The following LRRC20 variants were observed in gnomAD, a reference collection of about 807,000 sequenced individuals.
LRRC20 encodes leucine rich repeat containing 20.
In LRRC20, 11 loss-of-function variants were observed where a neutral mutation model predicts 14.4. The ratio of observed to expected loss-of-function variants is 0.77; its 90% CI spans 0.48 to 1.27. LRRC20 has a LOEUF of 1.27. Among genes scored for constraint, LRRC20 ranks in the 50% most tolerant of loss-of-function variants. The probability of loss-of-function intolerance (pLI) is 0.00; values close to 1 mark genes in which losing one functional copy is unlikely to be tolerated. For missense variants in LRRC20, 219 were observed against 251.2 expected, an observed-to-expected ratio of 0.87 and a Z score of 0.87; for synonymous variants, 121 against 107.3, an observed-to-expected ratio of 1.13 and a Z score of -0.79.
chr10:70,313,739 T>G (rs907176727), intron 4 of LRRC20, among the ~76,000 whole-genome samples: 2 of 152,226 alleles, frequency 1.3e-5, no homozygotes, highest in Non-Finnish European at 2.9e-5. Flanking sequence ...TTGGAAGTCA[T>G]GTAGCCAGGG....
At chr10:70,359,301 A>G (rs150726388) in intron 2 of LRRC20, among the ~76,000 whole-genome samples, 75 of 152,328 alleles carry the variant, frequency 4.9e-4, no homozygotes, top group African/African-American at 1.7e-3. Context: ...TCATGCCTGC[A>G]ATCCCAGCAC....
chr10:70,357,299 T>C (rs1205796847), intron 2 of LRRC20, among the ~76,000 whole-genome samples: 2 of 152,224 alleles, frequency 1.3e-5, no homozygotes, highest in African/African-American at 4.8e-5. Flanking sequence ...TTATACAATC[T>C]TGTGAATATA....
chr10:70,370,232 A>G (rs540104619), intron 2 of LRRC20, among the ~76,000 whole-genome samples: 1 of 152,296 alleles, frequency 6.6e-6, no homozygotes, highest in Admixed American at 6.5e-5. Context: ...GGGCTGAGAC[A>G]TTAACAGAAG....
chr10:70,372,663 C>T (rs915351530), intron 2 of LRRC20, among the ~76,000 whole-genome samples: 11 of 151,912 alleles, frequency 7.2e-5, no homozygotes, highest in South Asian at 4.2e-4. Flanking sequence ...AGGATGGTTT[C>T]GATCTCCTGA....
intron 3 of LRRC20, among the ~76,000 whole-genome samples, chr10:70,332,623 G>A (rs980745439): frequency 6.6e-6 from 1 of 152,230 alleles, no homozygotes; most frequent in Admixed American, 6.5e-5. Flanking sequence ...CAGCCTGGGT[G>A]ACAGAGGGAG....
At chr10:70,328,526 A>G (rs1428323443) in intron 3 of LRRC20, among the ~76,000 whole-genome samples, 1 of 152,148 alleles carries the variant, frequency 6.6e-6, no homozygotes, top group Non-Finnish European at 1.5e-5. Context: ...CGAACTCCTG[A>G]CCACAGGTGA....
intron 2 of LRRC20, among the ~76,000 whole-genome samples, chr10:70,364,508 C>G (rs1040316547): frequency 3.3e-5 from 5 of 152,242 alleles, no homozygotes; most frequent in African/African-American, 4.8e-5. Context: ...TTCCTGAGTA[C>G]TCTTGTTCAG....
In LRRC20 at chr10:70,371,138, G is replaced by A. The variant is rs2137153297; in HGVS notation, c.82+5314C>T. ...TTATTGGATCTGAAGAGAAACTAGA[G>A]TATATTATATCAGATTTTTTAAATA... On this transcript the variant is annotated intron_variant, in intron 2 of 4. Coordinates refer to ENST00000446961, the MANE Select transcript of LRRC20 (RefSeq NM_001278212.2). Among the ~76,000 whole-genome samples the A allele has an allele frequency of 3.3e-5, 5 of 151,368 alleles. No homozygotes were observed. The South Asian group carries it at 1.1e-3, about 33-fold the overall frequency.
chr10:70,344,196 T>A (rs1564631075), intron 2 of LRRC20, among the ~76,000 whole-genome samples: 1 of 151,466 alleles, frequency 6.6e-6, no homozygotes. Flanking sequence ...TGAGACCTTG[T>A]CTGAAAAAAA....
intron 1 of LRRC20, among the ~76,000 whole-genome samples, chr10:70,378,665 G>A (rs1427547789): frequency 4.0e-5 from 6 of 151,416 alleles, no homozygotes; most frequent in South Asian, 4.2e-4. Flanking sequence ...CGGGCGCCTC[G>A]GGAAGCTGAG....
At chr10:70,355,552 G>A (rs1022229532) in intron 2 of LRRC20, among the ~76,000 whole-genome samples, 3 of 152,172 alleles carry the variant, frequency 2.0e-5, no homozygotes, top group African/African-American at 7.2e-5. Flanking sequence ...GGGAAGGCGC[G>A]TCTTCTGAGA....
chr10:70,376,241 T>C (rs1844503654), intron 2 of LRRC20, among the ~76,000 whole-genome samples: 1 of 152,176 alleles, frequency 6.6e-6, no homozygotes, highest in Non-Finnish European at 1.5e-5. Context: ...GCAGGCGCCA[T>C]CACTCAGTGG....
At chr10:70,373,103 C>G (rs560985580) in intron 2 of LRRC20, among the ~76,000 whole-genome samples, 138 of 46,380 alleles carry the variant, frequency 3.0e-3, no homozygotes, top group African/African-American at 6.9e-3. Context: ...CAAGATGACT[C>G]CATCTCAAAA....
intron 2 of LRRC20, among the ~76,000 whole-genome samples, chr10:70,374,351 C>CTT (rs57167315): frequency 1.5e-5 from 2 of 133,184 alleles, no homozygotes; most frequent in South Asian, 2.3e-4. Flanking sequence ...CCTGTGAAGC[C>CTT]TTTTTTTTTT....
At chr10:70,371,564 C>T (rs1005577252) in intron 2 of LRRC20, among the ~76,000 whole-genome samples, 3 of 152,032 alleles carry the variant, frequency 2.0e-5, no homozygotes, top group African/African-American at 7.3e-5. Context: ...GCCCCACAAC[C>T]ACAGGCTGGA....
chr10:70,304,830 T>C, intron 4 of LRRC20, among the ~76,000 whole-genome samples: 1 of 152,182 alleles, frequency 6.6e-6, no homozygotes, highest in East Asian at 1.9e-4. Context: ...GAGCATAATG[T>C]CCTCAAGGCT....
At chr10:70,318,557 C>T (rs1328006196) in intron 4 of LRRC20, among the ~76,000 whole-genome samples, 1 of 152,050 alleles carries the variant, frequency 6.6e-6, no homozygotes, top group Non-Finnish European at 1.5e-5. Flanking sequence ...AATTTGAGAC[C>T]AGTCTGGGCA....
intron 4 of LRRC20, among the ~76,000 whole-genome samples, chr10:70,318,560 T>G (rs950682515): frequency 6.6e-6 from 1 of 152,002 alleles, no homozygotes; most frequent in Admixed American, 6.5e-5. Flanking sequence ...TTGAGACCAG[T>G]CTGGGCAACA....
At chr10:70,305,790 G>A (rs1589934275) in intron 4 of LRRC20, among the ~76,000 whole-genome samples, 1 of 150,886 alleles carries the variant, frequency 6.6e-6, no homozygotes, top group Admixed American at 6.6e-5. Context: ...ACCCAGGCTG[G>A]AGTGCAGTGG....
Sources: allele counts gnomAD v4.1 joint callset (sites outside exome capture counted in the v4.1 genomes callset), GRCh38; gene constraint gnomAD v4.1.1; transcripts MANE v1.5; gene names NCBI Gene and HGNC (gene_info 2026-07-23, HGNC 2026-07-21).